Variants in ZNF827 observed in about 807,000 individuals in gnomAD.
ZNF827 encodes the protein zinc finger protein 827.
In ZNF827, 13 loss-of-function variants were observed where a neutral mutation model predicts 102.4. The ratio of observed to expected loss-of-function variants is 0.13; its 90% CI spans 0.08 to 0.20. The LOEUF is 0.20. Ranked by LOEUF, ZNF827 falls within the 10% of genes least tolerant of loss-of-function variation. ZNF827 has a pLI of 1.00. For synonymous variants in ZNF827, 523 were observed against 536.2 expected, an observed-to-expected ratio of 0.98 and a Z score of 0.34; for missense variants, 1,103 against 1,344.4, an observed-to-expected ratio of 0.82 and a Z score of 2.81.
intron 4 of ZNF827, among the ~76,000 whole-genome samples, chr4:145,871,754 C>T (rs1216390772): frequency 4.6e-5 from 7 of 152,224 alleles, no homozygotes; most frequent in Admixed American, 4.6e-4. Flanking sequence ...AGCACAAAGT[C>T]TGTTTTCCAT....
chr4:145,838,544 T>TG (rs112203277), intron 7 of ZNF827, among the ~76,000 whole-genome samples: 94 of 151,972 alleles, frequency 6.2e-4, no homozygotes, highest in African/African-American at 1.6e-3. Flanking sequence ...AACAATTTTT[T>TG]GGGGGGGGAC....
intron 2 of ZNF827, among the ~76,000 whole-genome samples, chr4:145,897,634 G>A (rs1579508990): frequency 6.6e-6 from 1 of 152,144 alleles, no homozygotes; most frequent in East Asian, 1.9e-4. Context: ...AAAAGCCTAG[G>A]TTAGCAATGG....
intron 7 of ZNF827, among the ~76,000 whole-genome samples, chr4:145,837,400 T>G (rs1411658228): frequency 1.3e-5 from 2 of 152,114 alleles, no homozygotes; most frequent in Non-Finnish European, 2.9e-5. Context: ...CCATTTAAGC[T>G]CCTGTATAGA....
intron 8 of ZNF827, among the ~76,000 whole-genome samples, chr4:145,802,112 A>G (rs978543753): frequency 1.3e-5 from 2 of 152,224 alleles, no homozygotes; most frequent in Non-Finnish European, 2.9e-5. Context: ...GACTTGTTTC[A>G]GATACTAAGA....
intron 6 of ZNF827, among the ~76,000 whole-genome samples, chr4:145,847,530 A>T (rs551523007): frequency 2.6e-5 from 4 of 152,332 alleles, no homozygotes; most frequent in African/African-American, 9.6e-5. Context: ...TAAGGGACAA[A>T]AAAATATCAT....
chr4:145,919,526 T>C (rs1579571169), intron 1 of ZNF827, among the ~76,000 whole-genome samples: 1 of 152,196 alleles, frequency 6.6e-6, no homozygotes, highest in Admixed American at 6.5e-5. Context: ...CCACTTTGAA[T>C]TTGGAATTTA....
chr4:145,761,740 C>T lies in ZNF827; in HGVS notation c.*18-142G>A, dbSNP rs148827214. 1.8e-3 allele frequency: 817 copies of T among 454,690 alleles called. 7 individuals carry two copies. Among genetic ancestry groups the T allele is most frequent in the African/African-American group, 0.015 (743 of 48,464 alleles). 28.2% of individuals were successfully genotyped at this position (454,690 alleles called of 1,614,324 possible). A position where few individuals can be genotyped will look rare whatever the true frequency, so the allele number is the denominator to read the frequency against. ...GCCCAGCCCAGCCCAGCCCTGCCGC[C>T]TCTCAGGGGTGGAACGGCCCTTTTT... On this transcript the variant is annotated intron_variant, in intron 14 of 14. Coordinates refer to ENST00000508784, the MANE Select transcript of ZNF827 (RefSeq NM_001306215.2). The surrounding 1 kb of genome is among the most constrained non-coding windows in gnomAD (Gnocchi z 6.8).
chr4:145,897,732 T>C (rs1328334554), intron 2 of ZNF827, among the ~76,000 whole-genome samples: 1 of 152,238 alleles, frequency 6.6e-6, no homozygotes, highest in African/African-American at 2.4e-5. Context: ...CTGATATCTA[T>C]AGCCATACTA....
intron 7 of ZNF827, among the ~76,000 whole-genome samples, chr4:145,824,798 T>A (rs1409571878): frequency 6.6e-6 from 1 of 152,248 alleles, no homozygotes; most frequent in Non-Finnish European, 1.5e-5. Flanking sequence ...GGACTAGCGC[T>A]GCTTTGCTAA....
intron 4 of ZNF827, among the ~76,000 whole-genome samples, chr4:145,878,107 T>C (rs557501649): frequency 8.5e-5 from 13 of 152,350 alleles, no homozygotes; most frequent in African/African-American, 3.1e-4. Flanking sequence ...GACATTCTTA[T>C]TTACAGATCA....
chr4:145,855,884 A>T (rs923287045), intron 5 of ZNF827, among the ~76,000 whole-genome samples: 2 of 152,158 alleles, frequency 1.3e-5, no homozygotes, highest in Non-Finnish European at 2.9e-5. Context: ...TATGAGAATT[A>T]AGAACCCAAT....
At chr4:145,784,327 G>A (rs537714301) in intron 8 of ZNF827, among the ~76,000 whole-genome samples, 1 of 152,298 alleles carries the variant, frequency 6.6e-6, no homozygotes, top group East Asian at 1.9e-4. Context: ...AGGGAAATAA[G>A]TCCCTGTTTG....
Position 145,885,714 on chromosome 4 carries a change from C to T in ZNF827, c.1711G>A (p.Val571Ile), listed in dbSNP as rs772067706. 23 of 1,549,080 alleles carry T rather than the reference C, an allele frequency of 1.5e-5. No individual in the cohort carries two copies. Among genetic ancestry groups the T allele is most frequent in the Non-Finnish European group, 2.0e-5 (23 of 1,150,320 alleles). ...ASALFSQDIS[V>I]KMASDFLMKL... ...ATGAGAAAATCAGACGCCATCTTAA[C>T]AGAGATGTCCTGGCTGAACAATGCT... Residue 571 changes from valine to isoleucine, a missense_variant, in exon 4 of 15, where the codon GTT (valine) becomes ATT (isoleucine). Val to Ile is a conservative substitution (Grantham distance 29). This residue lies in a region of ZNF827 where 157 missense variants were observed against 211.7 expected (regional missense o/e 0.74). Transcript: ENST00000508784.
intron 2 of ZNF827, among the ~76,000 whole-genome samples, chr4:145,893,998 T>C (rs1750797551): frequency 6.6e-6 from 1 of 151,868 alleles, no homozygotes; most frequent in Non-Finnish European, 1.5e-5. Context: ...AATAAAACCA[T>C]TGTAAAAGGA....
chr4:145,827,162 C>T (rs1743769238), intron 7 of ZNF827, among the ~76,000 whole-genome samples: 1 of 152,084 alleles, frequency 6.6e-6, no homozygotes, highest in African/African-American at 2.4e-5. Flanking sequence ...TTGCCCATGC[C>T]CATGAGTTGA....
At position 145,786,711 on chromosome 4, in the gene ZNF827, C is replaced by T. The variant is rs113636306; in HGVS notation, c.2384-7200G>A. Among the ~76,000 whole-genome samples the T allele has an allele frequency of 1.2e-3, 177 of 152,322 alleles. 1 individual carries two copies. The highest frequency in any genetic ancestry group is 4.0e-3 in the African/African-American group (168 of 41,556). ...CATGGCCTCTGCTTAAAACAAGCTA[C>T]CACCTTCTGAGGGCTGCTTGTGAAG... On this transcript the variant is annotated intron_variant, in intron 8 of 14. Transcript: ENST00000508784.
intron 7 of ZNF827, among the ~76,000 whole-genome samples, chr4:145,843,915 T>C (rs1033660330): frequency 5.9e-5 from 9 of 152,184 alleles, no homozygotes; most frequent in African/African-American, 1.9e-4. Context: ...TTCCTCCGTC[T>C]TCTGCCCCCA....
At chr4:145,916,240 G>A (rs941929936) in intron 1 of ZNF827, among the ~76,000 whole-genome samples, 8 of 152,178 alleles carry the variant, frequency 5.3e-5, no homozygotes, top group South Asian at 2.1e-4. Context: ...GCCCCCAGGC[G>A]GTCGTGAAAT....
chr4:145,853,681 A>G (rs1419707586), intron 5 of ZNF827, among the ~76,000 whole-genome samples: 1 of 152,170 alleles, frequency 6.6e-6, no homozygotes, highest in Non-Finnish European at 1.5e-5. Context: ...TGTAGTCTGA[A>G]TTAAGAATGA....
Sources: allele counts gnomAD v4.1 joint callset (sites outside exome capture counted in the v4.1 genomes callset), GRCh38; gene constraint gnomAD v4.1.1; regional missense constraint gnomAD v4.1.1; non-coding constraint Gnocchi (gnomAD v3.1); transcripts MANE v1.5; gene names NCBI Gene and HGNC (gene_info 2026-07-23, HGNC 2026-07-21).